FARP1: variants seen among roughly 807,000 people sequenced by gnomAD.
FARP1 encodes FERM, ARH/RhoGEF and pleckstrin domain protein 1.
Under a neutral mutation model 128.8 loss-of-function variants are expected in FARP1, and 52 were observed. The observed-to-expected ratio is 0.40, with a 90% CI of 0.32 to 0.51. The LOEUF is 0.51. FARP1 is among the 20% of genes least tolerant of loss of function. FARP1 has a pLI of 0.45. For missense variants in FARP1, 1,333 were observed against 1,367.9 expected (o/e 0.97, Z 0.40); for synonymous variants, 580 against 551.8 (o/e 1.05, Z -0.72).
At chr13:98,448,134 A>G in intron 26 of FARP1, 102 bp from the exon 27 acceptor site, 1 of 954,580 alleles carries the variant, frequency 1.0e-6, no homozygotes, top group South Asian at 1.3e-5. Context: ...ATTACCAACC[A>G]GGCGGCCTGA....
chr13:98,296,152 T>G (rs1210472828), intron 2 of FARP1, among the ~76,000 whole-genome samples: 2 of 152,136 alleles, frequency 1.3e-5, no homozygotes, highest in African/African-American at 4.8e-5. Context: ...TGTCCTGGTT[T>G]GAGAGCAGCT....
At chr13:98,235,912 C>T (rs1383970421) in intron 2 of FARP1, among the ~76,000 whole-genome samples, 2 of 148,486 alleles carry the variant, frequency 1.3e-5, no homozygotes, top group African/African-American at 5.0e-5. Flanking sequence ...CAACCTCCGC[C>T]TCCTGGGTTA....
intron 2 of FARP1, among the ~76,000 whole-genome samples, chr13:98,301,965 A>AT (rs34808723): frequency 2.0e-5 from 3 of 151,212 alleles, no homozygotes; most frequent in Non-Finnish European, 2.9e-5. Flanking sequence ...ATTCATGATC[A>AT]TTTTTTTTTT....
In FARP1 at chr13:98,454,854, G is replaced by C. The variant is rs1208874684; in HGVS notation, c.*6537G>C. On this transcript the variant is annotated 3_prime_UTR_variant, in exon 27 of 27. Transcript: ENST00000319562. ...CACCTCAAGAGGCAGCTCATCTGAGGACAGAGGAGGAAAGAGGGCACTCCT... is the reference window on the plus strand; with the variant it reads ...CACCTCAAGAGGCAGCTCATCTGAGCACAGAGGAGGAAAGAGGGCACTCCT... 1 of 152,252 alleles carries C rather than the reference G, an allele frequency of 6.6e-6. No individual in the cohort carries two copies. Among genetic ancestry groups the C allele is most frequent in the African/African-American group, 2.4e-5 (1 of 41,436 alleles). The allele number at this position is 152,252 out of a possible 1,614,324, so 9.4% of individuals were successfully genotyped here. A position where few individuals can be genotyped will look rare whatever the true frequency, so the allele number is the denominator to read the frequency against.
chr13:98,205,993 T>G (rs2054643880), intron 1 of FARP1, among the ~76,000 whole-genome samples: 2 of 152,228 alleles, frequency 1.3e-5, no homozygotes, highest in East Asian at 1.9e-4. Flanking sequence ...TTTAATCTGT[T>G]GCATGTAACA....
intron 2 of FARP1, among the ~76,000 whole-genome samples, chr13:98,342,242 C>G (rs867519512): frequency 6.6e-6 from 1 of 152,070 alleles, no homozygotes. Flanking sequence ...ACAAAAAAGG[C>G]CTGGGGTCAT....
At chr13:98,307,977 A>G (rs1886242438) in intron 2 of FARP1, among the ~76,000 whole-genome samples, 1 of 150,396 alleles carries the variant, frequency 6.6e-6, no homozygotes, top group African/African-American at 2.5e-5. Flanking sequence ...TAGCCCTTGA[A>G]CAGGCTGCCC....
At position 98,388,364 on chromosome 13, in the gene FARP1, C is replaced by T; in HGVS notation, c.760-19C>T. 6.3e-7 allele frequency: 1 copy of T among 1,595,440 alleles called. No homozygotes were observed. Among genetic ancestry groups the T allele is most frequent in the Non-Finnish European group, 8.6e-7 (1 of 1,162,988 alleles). ...TTGTTATGCATTTCCTGGCTCACTG[C>T]TACTGTCTTTCTTTTTAGGGTTTCA... On this transcript the variant is annotated intron_variant, in intron 8 of 26. Coordinates refer to ENST00000319562, the MANE Select transcript of FARP1 (RefSeq NM_005766.4).
intron 3 of FARP1, 31 bp downstream of exon 3, chr13:98,343,897 T>A (rs1888072753): frequency 7.1e-7 from 1 of 1,408,096 alleles, no homozygotes. Flanking sequence ...GTTACTATTT[T>A]ACTGTCTGTT....
At chr13:98,397,463 G>A (rs764582074) in intron 13 of FARP1, 9 of 152,166 alleles carry the variant, frequency 5.9e-5, no homozygotes, top group Non-Finnish European at 1.2e-4. Context: ...AGTGATACTT[G>A]GATGTTTCTC....
At position 98,440,686 on chromosome 13, in the gene FARP1, C is replaced by T. The variant is rs563965088; in HGVS notation, c.2646C>T (p.Ala882=). 27 of 1,612,920 alleles carry T rather than the reference C, an allele frequency of 1.7e-5. No individual in the cohort carries two copies. Among genetic ancestry groups the T allele is most frequent in the Middle Eastern group, 1.7e-4 (1 of 6,056 alleles). ...SPPDNKSPDE[A]TAADQESEDD... ...ATCCTGTAGAGTCCCCTGATGAAGCCACCGCGGCTGACCAGGAGTCAGAGG... is the reference window on the plus strand; with the variant it reads ...ATCCTGTAGAGTCCCCTGATGAAGCTACCGCGGCTGACCAGGAGTCAGAGG... Residue 882 remains alanine (A), a synonymous_variant, in exon 24 of 27, where the codon GCC becomes GCT. Coordinates refer to ENST00000319562, the MANE Select transcript of FARP1 (RefSeq NM_005766.4).
intron 2 of FARP1, among the ~76,000 whole-genome samples, chr13:98,303,300 G>C (rs1373537654): frequency 2.0e-5 from 3 of 152,190 alleles, no homozygotes; most frequent in Non-Finnish European, 4.4e-5. Context: ...AAATGTTTCA[G>C]AACTGGATTG....
intron 2 of FARP1, among the ~76,000 whole-genome samples, chr13:98,277,320 T>G (rs1361666566): frequency 1.3e-5 from 2 of 152,110 alleles, no homozygotes; most frequent in African/African-American, 4.8e-5. Flanking sequence ...GCCTGGCTAA[T>G]TTTTATTTTT....
intron 2 of FARP1, chr13:98,328,980 G>A (rs138679429): frequency 6.6e-6 from 1 of 152,206 alleles, no homozygotes; most frequent in African/African-American, 2.4e-5. Flanking sequence ...CAAGACTGAC[G>A]ATAAGGGAGG....
chr13:98,369,353 CTTTTT>C (rs35605642), intron 5 of FARP1, among the ~76,000 whole-genome samples: 7 of 139,108 alleles, frequency 5.0e-5, no homozygotes, highest in African/African-American at 1.9e-4. Context: ...CAGCCTAATT[CTTTTT>C]TTTTTTTTTT....
chr13:98,238,635 C>G (rs1452441853), intron 2 of FARP1, among the ~76,000 whole-genome samples: 2 of 152,146 alleles, frequency 1.3e-5, no homozygotes, highest in Admixed American at 1.3e-4. Context: ...ATAAAACTAT[C>G]TGATCTCCTG....
chr13:98,288,095 C>T (rs554504140), intron 2 of FARP1, among the ~76,000 whole-genome samples: 3 of 152,262 alleles, frequency 2.0e-5, no homozygotes, highest in South Asian at 2.1e-4. Flanking sequence ...CCTCCGTACC[C>T]GGCCCCACAC....
intron 16 of FARP1, among the ~76,000 whole-genome samples, chr13:98,419,584 T>A (rs1891516112): frequency 2.0e-5 from 3 of 152,140 alleles, no homozygotes; most frequent in Non-Finnish European, 4.4e-5. Flanking sequence ...TATATTAATG[T>A]AGGATCCGTC....
chr13:98,407,772 G>A (rs773401759), intron 13 of FARP1, among the ~76,000 whole-genome samples: 1 of 152,152 alleles, frequency 6.6e-6, no homozygotes, highest in Non-Finnish European at 1.5e-5. Flanking sequence ...CTGTGTTGGC[G>A]GTGCTGCTGA....
Sources: gnomAD v4.1 joint callset for allele counts (sites outside exome capture counted in the v4.1 genomes callset) on GRCh38, gnomAD v4.1.1 for gene constraint, MANE v1.5 for transcripts, NCBI Gene and HGNC (gene_info 2026-07-23, HGNC 2026-07-21) for gene names.